Variants in NWD1 observed in about 807,000 individuals in gnomAD.
NWD1 encodes NACHT and WD repeat domain containing 1.
In NWD1, 129 loss-of-function variants were observed where a neutral mutation model predicts 135.1. The observed-to-expected ratio is 0.96, with a 90% CI of 0.83 to 1.11. The LOEUF (loss-of-function observed/expected upper bound fraction) is 1.11, where lower values mean the gene tolerates loss of function less well. NWD1 is among the 50% of genes least tolerant of loss of function. The probability of loss-of-function intolerance (pLI) is 0.00; values close to 1 mark genes in which losing one functional copy is unlikely to be tolerated. For synonymous variants in NWD1, 773 were observed against 786.0 expected (o/e 0.98, Z 0.28); for missense variants, 1,740 against 1,851.3 (o/e 0.94, Z 1.10).
intron 1 of NWD1, chr19:16,721,701 C>T (rs974149358): frequency 6.6e-6 from 1 of 152,352 alleles, no homozygotes; most frequent in African/African-American, 2.4e-5. Context: ...GACCCGCACT[C>T]GCTCCCTGAC....
At chr19:16,765,760 TGTAATCCCA>T (rs1464583878) in intron 10 of NWD1, among the ~76,000 whole-genome samples, 1 of 152,092 alleles carries the variant, frequency 6.6e-6, no homozygotes, top group Non-Finnish European at 1.5e-5. Flanking sequence ...GGCTCACACC[TGTAATCCCA>T]GCACTCTGGG....
chr19:16,738,584 A>G (rs1188596588), intron 4 of NWD1, among the ~76,000 whole-genome samples: 1 of 144,770 alleles, frequency 6.9e-6, no homozygotes, highest in Non-Finnish European at 1.5e-5. Flanking sequence ...AAAAAAAAAA[A>G]GGAGAAGGTG....
intron 6 of NWD1, among the ~76,000 whole-genome samples, chr19:16,752,863 G>C (rs1968633949): frequency 6.6e-6 from 1 of 152,162 alleles, no homozygotes; most frequent in Non-Finnish European, 1.5e-5. Flanking sequence ...GCTGGGCGTG[G>C]TGGCTCACAC....
chr19:16,803,117 G>A (rs1053869155), intron 17 of NWD1, among the ~76,000 whole-genome samples: 2 of 152,152 alleles, frequency 1.3e-5, no homozygotes, highest in African/African-American at 4.8e-5. Context: ...GTGTGCAGGG[G>A]AATTGCCCTT....
At chr19:16,805,345 C>T (rs1378604882) in intron 17 of NWD1, among the ~76,000 whole-genome samples, 1 of 152,022 alleles carries the variant, frequency 6.6e-6, no homozygotes, top group Non-Finnish European at 1.5e-5. Context: ...AGGTGTGCAC[C>T]ACTGTGCCCA....
chr19:16,807,752 A>C lies in NWD1; in HGVS notation c.3903A>C (p.Ala1301=), dbSNP rs373061251. 29 of 1,613,112 alleles carry C rather than the reference A, an allele frequency of 1.8e-5. No individual in the cohort carries two copies. Among genetic ancestry groups the C allele is most frequent in the Non-Finnish European group, 2.4e-5 (28 of 1,179,332 alleles). ...ICIPPPEARK[A]INCMSLSKCE... ...TTCCCCCTCCCGAGGCCCGGAAAGC[A>C]ATCAACTGCATGTCCCTGAGCAAGT... Residue 1301 remains alanine (A), a synonymous_variant, in exon 18 of 19, where the codon GCA becomes GCC. Coordinates refer to ENST00000524140, the MANE Select transcript of NWD1 (RefSeq NM_001007525.5).
chr19:16,751,452 GAGAA>G (rs977927854), intron 6 of NWD1, among the ~76,000 whole-genome samples: 12 of 149,918 alleles, frequency 8.0e-5, no homozygotes, highest in African/African-American at 2.0e-4. Flanking sequence ...AGGAAGGAGA[GAGAA>G]AGAAAGGAAG....
chr19:16,772,485 GAC>G (rs1969450061), intron 10 of NWD1, among the ~76,000 whole-genome samples: 1 of 152,016 alleles, frequency 6.6e-6, no homozygotes, highest in Non-Finnish European at 1.5e-5. Flanking sequence ...GTTTCCACTA[GAC>G]ACACAAAAAT....
intron 11 of NWD1, among the ~76,000 whole-genome samples, chr19:16,778,349 T>C (rs182793080): frequency 6.6e-6 from 1 of 152,288 alleles, no homozygotes; most frequent in African/African-American, 2.4e-5. Context: ...GCCCAATTCA[T>C]TGGCAAATAT....
At chr19:16,739,776 G>C (rs1676025693) in intron 4 of NWD1, among the ~76,000 whole-genome samples, 1 of 152,160 alleles carries the variant, frequency 6.6e-6, no homozygotes. Context: ...TTTTAGAGAG[G>C]CTCCTGTCTC....
At chr19:16,756,117 G>A (rs1416559919) in intron 6 of NWD1, among the ~76,000 whole-genome samples, 1 of 152,140 alleles carries the variant, frequency 6.6e-6, no homozygotes, top group Admixed American at 6.6e-5. Context: ...GCTGGGCATG[G>A]TGGCTCATGC....
intron 18 of NWD1, among the ~76,000 whole-genome samples, chr19:16,814,563 C>T (rs1971013935): frequency 6.6e-6 from 1 of 152,194 alleles, no homozygotes; most frequent in South Asian, 2.1e-4. Flanking sequence ...TAGTTGAATA[C>T]ACTGTAATCT....
intron 12 of NWD1, among the ~76,000 whole-genome samples, chr19:16,784,794 T>C (rs1474476220): frequency 6.6e-6 from 1 of 151,840 alleles, no homozygotes; most frequent in Non-Finnish European, 1.5e-5. Context: ...CCAGGTGTGA[T>C]GGCACACACC....
Position 16,783,693 on chromosome 19 carries a change from AAAAT to A in NWD1, c.2731+4236_2731+4239del, listed in dbSNP as rs931941946. On this transcript the variant is annotated intron_variant, in intron 12 of 18. Coordinates refer to ENST00000524140, the MANE Select transcript of NWD1 (RefSeq NM_001007525.5). ...AAATAAAAATAAAATAATAAAATAA[AAAAT>A]AAATAAAAATAAAATTTAAGACCCT... is the stretch of plus-strand genomic sequence containing the variant. Among the ~76,000 whole-genome samples the A allele has an allele frequency of 7.3e-5, 11 of 150,302 alleles. No individual in the cohort carries two copies. In the South Asian group the frequency reaches 1.0e-3, roughly 14 times the overall value.
intron 12 of NWD1, among the ~76,000 whole-genome samples, chr19:16,785,911 C>T (rs972898988): frequency 7.2e-5 from 11 of 151,762 alleles, no homozygotes; most frequent in South Asian, 2.1e-4. Context: ...GTCGCCCAGG[C>T]TGGAGTGCAA....
rs555819266 is a variant in NWD1 at position 16,760,046 on chromosome 19, T to C, written c.1973+618T>C. ...GGTACACACTTGTGGTCCCAGCTAC[T>C]TGGGAGGCTGAGGTGGGAGGATCAC... On this transcript the variant is annotated intron_variant, in intron 7 of 18. Coordinates refer to ENST00000524140, the MANE Select transcript of NWD1 (RefSeq NM_001007525.5). 3.3e-5 allele frequency among the ~76,000 whole-genome samples: 5 copies of C among 151,862 alleles called. No individual in the cohort carries two copies. The South Asian group carries it at 8.3e-4, about 25-fold the overall frequency.
At chr19:16,774,856 C>T (rs1284151129) in intron 11 of NWD1, among the ~76,000 whole-genome samples, 1 of 152,010 alleles carries the variant, frequency 6.6e-6, no homozygotes, top group Non-Finnish European at 1.5e-5. Flanking sequence ...TTCACTTACG[C>T]CTCCACCCAT....
Position 16,729,545 on chromosome 19 carries a change from G to A in NWD1, c.-6-1647G>A, listed in dbSNP as rs116344657. ...GCTCAGGAGTTCAAGACCAGCCTGA[G>A]CAACATGGCGAGGCCCCATCTTTAC... On this transcript the variant is annotated intron_variant, in intron 2 of 18. Transcript: ENST00000524140. 3.6e-3 allele frequency among the ~76,000 whole-genome samples: 536 copies of A among 149,954 alleles called. 6 individuals carry two copies. Among genetic ancestry groups the A allele is most frequent in the African/African-American group, 0.013 (509 of 40,240 alleles).
At chr19:16,746,308 C>A (rs1263215070) in intron 5 of NWD1, among the ~76,000 whole-genome samples, 1 of 150,474 alleles carries the variant, frequency 6.6e-6, no homozygotes, top group African/African-American at 2.4e-5. Flanking sequence ...TGCAGTGAAC[C>A]AAGATTGTAC....
Sources: gnomAD v4.1 joint callset for allele counts (sites outside exome capture counted in the v4.1 genomes callset) on GRCh38, gnomAD v4.1.1 for gene constraint, MANE v1.5 for transcripts, NCBI Gene and HGNC (gene_info 2026-07-23, HGNC 2026-07-21) for gene names.